GAK: variants seen among roughly 807,000 people sequenced by gnomAD.
GAK encodes cyclin-G-associated kinase.
A neutral mutation model predicts 143.9 loss-of-function variants in GAK; 79 were observed. That is an observed-to-expected ratio of 0.55 (90% CI 0.46 to 0.66). The LOEUF (loss-of-function observed/expected upper bound fraction) is 0.66, where lower values mean the gene tolerates loss of function less well. Ranked by LOEUF, GAK falls within the 30% of genes least tolerant of loss-of-function variation. The probability of loss-of-function intolerance (pLI) is 0.00; values close to 1 mark genes in which losing one functional copy is unlikely to be tolerated. For missense variants in GAK, 1,693 were observed against 1,779.7 expected (o/e 0.95, Z 0.88); for synonymous variants, 881 against 765.5 (o/e 1.15, Z -2.49).
intron 24 of GAK, among the ~76,000 whole-genome samples, chr4:858,255 G>T (rs944831937): frequency 6.6e-6 from 1 of 152,196 alleles, no homozygotes; most frequent in East Asian, 1.9e-4. Flanking sequence ...TGCTGACGTC[G>T]CCAGCTATGA....
At chr4:884,360 G>A (rs1043894113) in intron 11 of GAK, 3 of 466,330 alleles carry the variant, frequency 6.4e-6, no homozygotes, top group Non-Finnish European at 1.2e-5. Flanking sequence ...CTGTCTGACT[G>A]CCCCTTCCCC....
intron 27 of GAK, 47 bp from the exon 28 acceptor site, chr4:849,821 C>CGGGGGGGGGGGGGG: frequency 4.9e-6 from 7 of 1,435,284 alleles, no homozygotes; most frequent in Non-Finnish European, 6.6e-6. Flanking sequence ...CATGCGGGGG[C>CGGGGGGGGGGGGGG]GGGCGGGGCA....
intron 20 of GAK, 45 bp from the exon 21 acceptor site, chr4:867,477 C>T: frequency 7.0e-7 from 1 of 1,437,774 alleles, no homozygotes; most frequent in Non-Finnish European, 9.3e-7. Flanking sequence ...ACCACACGGC[C>T]AGCACCAGGG....
At chr4:862,200 C>T (rs1475305429) in intron 23 of GAK, among the ~76,000 whole-genome samples, 7 of 149,976 alleles carry the variant, frequency 4.7e-5, no homozygotes, top group Admixed American at 6.7e-5. Context: ...CTAAGTCATC[C>T]GCTAAGATCC....
chr4:881,070 C>G (rs763388220), intron 15 of GAK, among the ~76,000 whole-genome samples: 11 of 152,194 alleles, frequency 7.2e-5, no homozygotes, highest in Non-Finnish European at 1.5e-4. Context: ...GAGGTGGGGC[C>G]CTCCCTGGGG....
intron 5 of GAK, among the ~76,000 whole-genome samples, chr4:899,265 G>A (rs1423390511): frequency 3.3e-5 from 5 of 152,248 alleles, no homozygotes; most frequent in South Asian, 4.1e-4. Flanking sequence ...GATAGGGAAG[G>A]AGCGGCTTCT....
At chr4:867,708 C>T (rs886366265) in intron 20 of GAK, among the ~76,000 whole-genome samples, 3 of 150,854 alleles carry the variant, frequency 2.0e-5, no homozygotes, top group African/African-American at 4.9e-5. Context: ...GTCCCCACGG[C>T]GCGTCCCCTC....
At chr4:928,984 A>T (rs1457247765) in intron 1 of GAK, among the ~76,000 whole-genome samples, 1 of 149,376 alleles carries the variant, frequency 6.7e-6, no homozygotes, top group South Asian at 2.2e-4. Flanking sequence ...CTGATCTCGA[A>T]CTCCCGATCT....
chr4:911,720 G>T lies in GAK; in HGVS notation c.335C>A (p.Ser112Ter). 6.2e-7 allele frequency: 1 copy of T among 1,614,032 alleles called. No homozygotes were observed. Among genetic ancestry groups the T allele is most frequent in the South Asian group, 1.1e-5 (1 of 91,062 alleles). Residue 112 changes from serine to a stop codon, truncating the protein, a stop_gained, in exon 4 of 28, where the codon TCA (serine) becomes TAA (stop). Transcript: ENST00000314167. LOFTEE classifies it high-confidence loss of function. ...GAGGAACTCAGCCTGCCCCGTGTCT[G>T]ACTCCTCTTTTCCTATAGACGCTGC... ...CSAASIGKEE[S>*]DTGQAEFLLL...
chr4:890,573 G>T lies in GAK; in HGVS notation c.1040C>A (p.Pro347Gln), dbSNP rs1347772320. 1 of 1,611,500 alleles carries T rather than the reference G, an allele frequency of 6.2e-7. No homozygotes were observed. The highest frequency in any genetic ancestry group is 8.5e-7 in the Non-Finnish European group (1 of 1,179,402). ...GCCAGCGGGGCCCACGGGAGGGGGT[G>T]GCCCTCGGGACAGTGTGGCGCTCCC... ...GYGSATLSRG[P>Q]PPPVGPAGSG... Residue 347 changes from proline to glutamine, a missense_variant, in exon 10 of 28, where the codon CCA (proline) becomes CAA (glutamine). Around this residue, in one of 2 missense-constraint regions of GAK, gnomAD observed 871 missense variants for 991.0 expected, o/e 0.88. Transcript: ENST00000314167.
In GAK at chr4:867,234, A is replaced by G; in HGVS notation, c.2594T>C (p.Val865Ala). The change falls in exon 21 of 28, where the codon GTG (valine) becomes GCG (alanine). Residue 865 changes from valine to alanine, a missense_variant. Physicochemically the swap from Val to Ala is moderately conservative, Grantham distance 64. This residue lies in a region of GAK where 822 missense variants were observed against 788.7 expected (regional missense o/e 1.04). Coordinates refer to ENST00000314167, the MANE Select transcript of GAK (RefSeq NM_005255.4). ...GLVQQDLVFE[V>A]ETPAVLPEPV... ...CTCTGGCAGCACAGCCGGTGTCTCC[A>G]CCTCAAAAACCAAGTCCTGCTGCAC... 1 of 1,612,874 alleles carries G rather than the reference A, an allele frequency of 6.2e-7. No homozygotes were observed. The highest frequency in any genetic ancestry group is 8.5e-7 in the Non-Finnish European group (1 of 1,179,620).
intron 7 of GAK, chr4:894,226 A>T: frequency 2.8e-6 from 1 of 363,374 alleles, no homozygotes. Context: ...GCCTGCGGGA[A>T]CAACAGGGGT....
At position 911,949 on chromosome 4, in the gene GAK, C is replaced by T. The variant is rs994395459; in HGVS notation, c.268-162G>A. ...GGAAGATGAGGGAGAGAGCAGTGGA[C>T]GACCGAGAGAAAGGCAGACAGAGGC... On this transcript the variant is annotated intron_variant, in intron 3 of 27. Transcript: ENST00000314167. The T allele has an allele frequency of 6.3e-5, 36 of 566,978 alleles. No individual in the cohort carries two copies. The Middle Eastern group carries it at 1.2e-3, about 19-fold the overall frequency. 35.1% of individuals were successfully genotyped at this position (566,978 alleles called of 1,614,324 possible).
intron 1 of GAK, among the ~76,000 whole-genome samples, chr4:926,772 G>C (rs1222294121): frequency 6.6e-6 from 1 of 151,878 alleles, no homozygotes; most frequent in East Asian, 1.9e-4. Context: ...TCACAGGCCT[G>C]ATGACCTAGA....
At chr4:913,547 C>T (rs895475118) in intron 2 of GAK, 60 bp downstream of exon 2, 15 of 1,302,610 alleles carry the variant, frequency 1.2e-5, no homozygotes, top group Non-Finnish European at 1.3e-5. Flanking sequence ...AAAAGACTGT[C>T]ACCAGACAGT....
intron 19 of GAK, 82 bp from the exon 20 acceptor site, chr4:868,767 G>C: frequency 7.0e-7 from 1 of 1,433,820 alleles, no homozygotes; most frequent in Non-Finnish European, 9.3e-7. Flanking sequence ...GGGAAGTGCA[G>C]CCAGGCGGGC....
intron 5 of GAK, among the ~76,000 whole-genome samples, chr4:902,608 A>AAAAAAAAAAAC (rs1553889083): frequency 6.6e-6 from 1 of 150,424 alleles, no homozygotes; most frequent in Non-Finnish European, 1.5e-5. Flanking sequence ...AAAAAAAAAA[A>AAAAAAAAAAAC]AAAAAACCCC....
intron 15 of GAK, among the ~76,000 whole-genome samples, chr4:880,552 G>A (rs1714888156): frequency 6.6e-6 from 1 of 152,086 alleles, no homozygotes; most frequent in South Asian, 2.1e-4. Context: ...CTTCCAGAGG[G>A]CAAGGACCCT....
chr4:867,937 C>A (rs1226758197), intron 20 of GAK, among the ~76,000 whole-genome samples: 1 of 152,240 alleles, frequency 6.6e-6, no homozygotes, highest in Non-Finnish European at 1.5e-5. Context: ...GTGCCTCAGG[C>A]TGAGTCAAGT....
Sources: gnomAD v4.1 joint callset for allele counts (sites outside exome capture counted in the v4.1 genomes callset) on GRCh38, gnomAD v4.1.1 for gene constraint, gnomAD v4.1.1 regional missense constraint, MANE v1.5 for transcripts, NCBI Gene and HGNC (gene_info 2026-07-23, HGNC 2026-07-21) for gene names.